Variants in KCNMA1 observed in about 807,000 individuals in gnomAD.
KCNMA1 encodes the protein Calcium-activated potassium channel subunit alpha-1.
Under a neutral mutation model 140.0 loss-of-function variants are expected in KCNMA1, and 29 were observed. The observed-to-expected ratio is 0.21, with a 90% confidence interval of 0.15 to 0.28. The LOEUF (loss-of-function observed/expected upper bound fraction) is 0.28. Ranked by LOEUF, KCNMA1 falls within the 10% of genes least tolerant of loss-of-function variation. The pLI is 1.00. For missense variants in KCNMA1, 880 were observed against 1,602.2 expected, an observed-to-expected ratio of 0.55 and a Z score of 7.70; for synonymous variants, 612 against 611.9, an observed-to-expected ratio of 1.00 and a Z score of 0.00.
At chr10:77,427,920 T>C (rs2097059628) in intron 1 of KCNMA1, among the ~76,000 whole-genome samples, 1 of 151,824 alleles carries the variant, frequency 6.6e-6, no homozygotes, top group Non-Finnish European at 1.5e-5. Context: ...GCCTGGCTAA[T>C]TTTTGTATTT....
intron 25 of KCNMA1, among the ~76,000 whole-genome samples, chr10:76,900,826 A>G (rs1478608917): frequency 2.0e-5 from 3 of 151,842 alleles, no homozygotes; most frequent in African/African-American, 7.3e-5. Context: ...GAGAGTGTGG[A>G]TTGGTAAAAT....
chr10:77,136,577 C>CA (rs1201639966), intron 5 of KCNMA1, among the ~76,000 whole-genome samples: 1 of 117,538 alleles, frequency 8.5e-6, no homozygotes. Flanking sequence ...TTAAAAATAG[C>CA]AAATTGGAAA....
intron 1 of KCNMA1, among the ~76,000 whole-genome samples, chr10:77,607,185 T>C (rs1412013286): frequency 1.3e-5 from 2 of 152,228 alleles, no homozygotes; most frequent in East Asian, 3.9e-4. Flanking sequence ...CTGAAGAAGC[T>C]ACGTGGTATC....
intron 1 of KCNMA1, among the ~76,000 whole-genome samples, chr10:77,447,171 G>A (rs2097544366): frequency 6.6e-6 from 1 of 152,234 alleles, no homozygotes. Context: ...ACAGAGTGAG[G>A]TGGGGTACAG....
At chr10:77,089,386 C>G (rs1364559733) in intron 10 of KCNMA1, among the ~76,000 whole-genome samples, 1 of 152,106 alleles carries the variant, frequency 6.6e-6, no homozygotes, top group Non-Finnish European at 1.5e-5. Context: ...AGGACTGGCC[C>G]CATGACAGCC....
At chr10:77,582,315 G>A (rs2076106964) in intron 1 of KCNMA1, among the ~76,000 whole-genome samples, 1 of 152,236 alleles carries the variant, frequency 6.6e-6, no homozygotes, top group South Asian at 2.1e-4. Flanking sequence ...CAGAAATAAT[G>A]ATGCCTGCAT....
At chr10:77,413,307 C>G (rs1239534069) in intron 1 of KCNMA1, among the ~76,000 whole-genome samples, 1 of 152,132 alleles carries the variant, frequency 6.6e-6, no homozygotes, top group Non-Finnish European at 1.5e-5. Context: ...CTGCTCTCCT[C>G]TCCTTCGCCT....
rs146732632 is a variant in KCNMA1, at chr10:77,189,097, T to C, written c.603-4181A>G. ...CTTGCTGGGCTCCATCCCCAGTTTC[T>C]GATTTAGTAGGTTTGGGGTGGGGGC... On this transcript the variant is annotated intron_variant, in intron 3 of 27. Transcript: ENST00000286628. Among the ~76,000 whole-genome samples, 172 of 152,300 alleles carry C rather than the reference T, an allele frequency of 1.1e-3. 2 individuals carry two copies. The highest frequency in any genetic ancestry group is 3.7e-3 in the African/African-American group (153 of 41,568).
intron 2 of KCNMA1, among the ~76,000 whole-genome samples, chr10:77,261,907 T>G: frequency 6.6e-6 from 1 of 152,280 alleles, no homozygotes; most frequent in Admixed American, 6.5e-5. Flanking sequence ...CTGACTTAAG[T>G]GCATGTGGGT....
intron 2 of KCNMA1, among the ~76,000 whole-genome samples, chr10:77,277,517 G>A (rs1228520176): frequency 1.3e-5 from 2 of 152,092 alleles, no homozygotes; most frequent in Admixed American, 6.5e-5. Context: ...AAGCTGGGAC[G>A]GACCACAGCA....
At chr10:77,407,935 G>A (rs1370577555) in intron 1 of KCNMA1, among the ~76,000 whole-genome samples, 2 of 152,180 alleles carry the variant, frequency 1.3e-5, no homozygotes, top group Non-Finnish European at 2.9e-5. Context: ...AGGATAAGGA[G>A]GTGCAGGTTC....
chr10:77,511,390 C>T (rs1005077071), intron 1 of KCNMA1, among the ~76,000 whole-genome samples: 1 of 152,208 alleles, frequency 6.6e-6, no homozygotes, highest in East Asian at 1.9e-4. Context: ...CATCCATTCT[C>T]TTCTGGGACA....
chr10:77,527,925 A>G (rs1316719001), intron 1 of KCNMA1, among the ~76,000 whole-genome samples: 1 of 151,352 alleles, frequency 6.6e-6, no homozygotes, highest in Non-Finnish European at 1.5e-5. Flanking sequence ...TGTCTATGGG[A>G]CTCCTGTCTC....
intron 2 of KCNMA1, among the ~76,000 whole-genome samples, chr10:77,385,302 A>T (rs2095562029): frequency 6.6e-6 from 1 of 152,212 alleles, no homozygotes; most frequent in South Asian, 2.1e-4. Flanking sequence ...CACAGGACAA[A>T]GAGGATTATA....
chr10:76,952,217 A>G, intron 21 of KCNMA1: 1 of 1,533,718 alleles, frequency 6.5e-7, no homozygotes, highest in Non-Finnish European at 8.8e-7. Context: ...AGTGCCATGA[A>G]TACATCAGAA....
chr10:76,963,692 C>G (rs548989207), intron 20 of KCNMA1, among the ~76,000 whole-genome samples: 2 of 152,314 alleles, frequency 1.3e-5, no homozygotes, highest in East Asian at 3.9e-4. Context: ...AGATGCTGCA[C>G]TAATGACTCT....
At chr10:77,305,329 C>T in intron 2 of KCNMA1, among the ~76,000 whole-genome samples, 1 of 152,186 alleles carries the variant, frequency 6.6e-6, no homozygotes, top group Non-Finnish European at 1.5e-5. Flanking sequence ...GTACCAAATG[C>T]TTTTCCTATT....
chr10:77,025,542 T>G (rs1319327546), intron 16 of KCNMA1: 1 of 1,138,360 alleles, frequency 8.8e-7, no homozygotes, highest in Non-Finnish European at 1.3e-6. Flanking sequence ...GAATAAAACC[T>G]TTGTTTCAAA....
At chr10:77,118,177 C>T (rs553273415) in intron 6 of KCNMA1, among the ~76,000 whole-genome samples, 2 of 152,314 alleles carry the variant, frequency 1.3e-5, no homozygotes, top group African/African-American at 4.8e-5. Context: ...TCCCTAAAGA[C>T]GATTACATGG....
Sources: allele counts gnomAD v4.1 joint callset (sites outside exome capture counted in the v4.1 genomes callset), GRCh38; gene constraint gnomAD v4.1.1; transcripts MANE v1.5; gene names NCBI Gene and HGNC (gene_info 2026-07-23, HGNC 2026-07-21).